The following TRPC4 variants were observed in gnomAD, a reference collection of about 807,000 sequenced individuals.
TRPC4 encodes the protein short transient receptor potential channel 4.
Under a neutral mutation model 99.4 loss-of-function variants are expected in TRPC4, and 49 were observed. That is an observed-to-expected ratio of 0.49 (90% confidence interval 0.39 to 0.63). The LOEUF (loss-of-function observed/expected upper bound fraction) is 0.63, where lower values mean the gene tolerates loss of function less well. TRPC4 is among the 20% of genes least tolerant of loss of function. TRPC4 has a pLI of 0.00. For missense variants in TRPC4, 898 were observed against 1,152.9 expected, an observed-to-expected ratio of 0.78 and a Z score of 3.20; for synonymous variants, 454 against 425.9, an observed-to-expected ratio of 1.07 and a Z score of -0.81.
chr13:37,768,361 G>A (rs937780417), intron 2 of TRPC4, among the ~76,000 whole-genome samples: 6 of 151,422 alleles, frequency 4.0e-5, no homozygotes, highest in African/African-American at 1.5e-4. Context: ...GACACGCGGA[G>A]AGCCATGTTA....
chr13:37,850,168 G>A (rs1310347087), intron 1 of TRPC4, among the ~76,000 whole-genome samples: 1 of 152,260 alleles, frequency 6.6e-6, no homozygotes, highest in East Asian at 1.9e-4. Flanking sequence ...GTAGTGAGCT[G>A]TAGCACCTTC....
chr13:37,834,130 G>T (rs1298512106), intron 1 of TRPC4, among the ~76,000 whole-genome samples: 1 of 152,128 alleles, frequency 6.6e-6, no homozygotes, highest in Admixed American at 6.6e-5. Context: ...ATCTGTCCCA[G>T]ATATTACATA....
chr13:37,665,840 C>CAAAA lies in TRPC4; in HGVS notation c.1375-2115_1375-2112dup, dbSNP rs1168472231. 6.3e-3 allele frequency among the ~76,000 whole-genome samples: 443 copies of CAAAA among 70,220 alleles called. 8 individuals are homozygous for CAAAA. Among genetic ancestry groups the CAAAA allele is most frequent in the African/African-American group, 0.016 (327 of 20,104 alleles). The allele number at this position is 70,220 out of a possible 152,430, so 46.1% of individuals were successfully genotyped here. The stretch of plus-strand genomic sequence containing the variant: ...TCTTGGTAAATTATCTCAGCTGAGA[C>CAAAA]AAAAAAAAAAAAAAAAAAAAAAATA... On this transcript the variant is annotated intron_variant, in intron 5 of 10. Transcript: ENST00000379705.
chr13:37,693,943 A>G (rs563911171), intron 3 of TRPC4, among the ~76,000 whole-genome samples: 2 of 152,240 alleles, frequency 1.3e-5, no homozygotes, highest in South Asian at 4.2e-4. Flanking sequence ...AGGAAATTTC[A>G]AGCTCCATGA....
intron 1 of TRPC4, among the ~76,000 whole-genome samples, chr13:37,827,091 A>C (rs1865094340): frequency 1.3e-5 from 2 of 151,560 alleles, no homozygotes; most frequent in Non-Finnish European, 2.9e-5. Context: ...TGCATTCTTC[A>C]CGTAGTTCTC....
intron 1 of TRPC4, among the ~76,000 whole-genome samples, chr13:37,839,385 G>A (rs650478): frequency 0.011 from 1,650 of 152,208 alleles, 30 homozygotes; most frequent in African/African-American, 0.038. Context: ...TCAGAGTCAA[G>A]GACATTACTT....
At chr13:37,675,129 A>C (rs1169850846) in intron 4 of TRPC4, among the ~76,000 whole-genome samples, 1 of 152,198 alleles carries the variant, frequency 6.6e-6, no homozygotes, top group Non-Finnish European at 1.5e-5. Context: ...ACAAGCAAAC[A>C]GTGAGAATTT....
chr13:37,682,372 A>G (rs183426704), intron 4 of TRPC4, among the ~76,000 whole-genome samples: 1 of 152,314 alleles, frequency 6.6e-6, no homozygotes, highest in Admixed American at 6.5e-5. Context: ...AAATCAGGGA[A>G]TATAAAAGTA....
chr13:37,812,176 C>CAAAAAAA lies in TRPC4; in HGVS notation c.-27-28823_-27-28817dup, dbSNP rs61607544. On this transcript the variant is annotated intron_variant, in intron 1 of 10. Transcript: ENST00000379705. ...CCTAGGCAACAGACTGAGACTCTAT[C>CAAAAAAA]AAAAAAAAAAAAAAAAAAACCAGGA... 6.3e-3 allele frequency among the ~76,000 whole-genome samples: 346 copies of CAAAAAAA among 55,090 alleles called. 37 individuals carry two copies. Among genetic ancestry groups the CAAAAAAA allele is most frequent in the Middle Eastern group, 0.024 (1 of 42 alleles). 36.1% of individuals were successfully genotyped at this position (55,090 alleles called of 152,430 possible). A position where few individuals can be genotyped will look rare whatever the true frequency, so the allele number is the denominator to read the frequency against.
intron 4 of TRPC4, among the ~76,000 whole-genome samples, chr13:37,679,104 T>A (rs905712085): frequency 2.0e-4 from 30 of 152,138 alleles, no homozygotes; most frequent in African/African-American, 7.2e-4. Context: ...TATAAAAATT[T>A]ATAACTACTT....
chr13:37,659,778 C>T (rs1952366624), intron 6 of TRPC4, among the ~76,000 whole-genome samples: 1 of 151,750 alleles, frequency 6.6e-6, no homozygotes, highest in Non-Finnish European at 1.5e-5. Context: ...TATTTATTGA[C>T]CGACTACACA....
At chr13:37,767,801 C>T (rs887231645) in intron 2 of TRPC4, among the ~76,000 whole-genome samples, 19 of 151,216 alleles carry the variant, frequency 1.3e-4, no homozygotes, top group African/African-American at 4.6e-4. Flanking sequence ...CCTTTCCACT[C>T]CCAAAACTAT....
intron 1 of TRPC4, among the ~76,000 whole-genome samples, chr13:37,831,463 G>C (rs1039237993): frequency 2.6e-5 from 4 of 152,086 alleles, no homozygotes; most frequent in Non-Finnish European, 4.4e-5. Context: ...AGTCATTTTG[G>C]AATATAGTAT....
intron 2 of TRPC4, among the ~76,000 whole-genome samples, chr13:37,764,241 G>C (rs935425204): frequency 3.3e-5 from 5 of 151,396 alleles, no homozygotes; most frequent in Non-Finnish European, 4.4e-5. Flanking sequence ...CCCACACAAT[G>C]TTCAGTTAGA....
At chr13:37,756,399 A>C (rs1956097770) in intron 2 of TRPC4, among the ~76,000 whole-genome samples, 1 of 152,178 alleles carries the variant, frequency 6.6e-6, no homozygotes, top group Admixed American at 6.5e-5. Flanking sequence ...CAGACAAAAA[A>C]TTATTTGTTA....
intron 1 of TRPC4, among the ~76,000 whole-genome samples, chr13:37,808,341 T>C (rs531353012): frequency 6.6e-6 from 1 of 152,178 alleles, no homozygotes; most frequent in Non-Finnish European, 1.5e-5. Context: ...GAGTAGATGA[T>C]GTGGTACCTA....
chr13:37,813,764 A>G (rs1957766733), intron 1 of TRPC4, among the ~76,000 whole-genome samples: 1 of 151,888 alleles, frequency 6.6e-6, no homozygotes, highest in Non-Finnish European at 1.5e-5. Flanking sequence ...AAGTCTTCAT[A>G]GATAAATTCT....
chr13:37,812,045 A>T (rs1451580798), intron 1 of TRPC4, among the ~76,000 whole-genome samples: 3 of 151,264 alleles, frequency 2.0e-5, no homozygotes, highest in Non-Finnish European at 4.4e-5. Context: ...TGGGAGTTGT[A>T]GTTGGGACCT....
Position 37,788,659 on chromosome 13 carries a change from GAT to G in TRPC4, c.-27-5301_-27-5300del, listed in dbSNP as rs768323718. On this transcript the variant is annotated intron_variant, in intron 1 of 10. Coordinates refer to ENST00000379705, the MANE Select transcript of TRPC4 (RefSeq NM_016179.4). ...TTCTTCAGTCTAAAGCTGAAATATTGATATGACCAGGGTCCTGCTTGTGGCTC... is the reference window on the plus strand; with the variant it reads ...TTCTTCAGTCTAAAGCTGAAATATTGATGACCAGGGTCCTGCTTGTGGCTC... Among the ~76,000 whole-genome samples the G allele has an allele frequency of 2.0e-5, 3 of 152,046 alleles. No homozygotes were observed. The South Asian group carries it at 6.2e-4, about 32-fold the overall frequency.
Sources: gnomAD v4.1 joint callset for allele counts (sites outside exome capture counted in the v4.1 genomes callset) on GRCh38, gnomAD v4.1.1 for gene constraint, MANE v1.5 for transcripts, NCBI Gene and HGNC (gene_info 2026-07-23, HGNC 2026-07-21) for gene names.